Variants in ANK3 observed in about 807,000 individuals in gnomAD.
ANK3 encodes the protein ankyrin-3.
A neutral mutation model predicts 370.9 loss-of-function variants in ANK3; 57 were observed. The observed-to-expected ratio is 0.15, with a 90% CI of 0.12 to 0.19. The LOEUF is 0.19. ANK3 is among the 10% of genes least tolerant of loss of function. ANK3 has a pLI of 1.00. For synonymous variants in ANK3, 1,929 were observed against 1,946.3 expected (o/e 0.99, Z 0.23); for missense variants, 4,439 against 5,302.1 (o/e 0.84, Z 5.06).
chr10:60,615,931 A>C (rs978077163), intron 1 of ANK3, among the ~76,000 whole-genome samples: 4 of 152,178 alleles, frequency 2.6e-5, no homozygotes, highest in Non-Finnish European at 5.9e-5. Context: ...TTCCTATCAG[A>C]ATATAGTAAT....
intron 2 of ANK3, among the ~76,000 whole-genome samples, chr10:60,460,737 T>C (rs946608313): frequency 2.6e-5 from 4 of 152,178 alleles, no homozygotes; most frequent in Non-Finnish European, 4.4e-5. Flanking sequence ...GAATTCATTT[T>C]ATTCTCATAT....
At chr10:60,232,286 C>T (rs1403922745) in intron 8 of ANK3, among the ~76,000 whole-genome samples, 1 of 152,182 alleles carries the variant, frequency 6.6e-6, no homozygotes, top group African/African-American at 2.4e-5. Context: ...TATATCCGGG[C>T]ACCTCTTCAA....
upstream of ANK3, among the ~76,000 whole-genome samples, chr10:60,393,418 T>C (rs758472193): frequency 3.3e-5 from 5 of 152,204 alleles, no homozygotes; most frequent in Non-Finnish European, 5.9e-5. Flanking sequence ...ACAAGTTTCA[T>C]GTAGAGTGCT....
At chr10:60,080,662 T>C (rs915006490) in intron 35 of ANK3, 44 bp from the exon 36 acceptor site, 2 of 1,407,598 alleles carry the variant, frequency 1.4e-6, no homozygotes, top group Non-Finnish European at 1.9e-6. Flanking sequence ...CCAACTTCCC[T>C]GTGACATCTT....
intron 2 of ANK3, among the ~76,000 whole-genome samples, chr10:60,541,177 C>T (rs1192381423): frequency 2.0e-5 from 3 of 151,880 alleles, no homozygotes; most frequent in Non-Finnish European, 1.5e-5. Flanking sequence ...AGCACGTATG[C>T]GTGCACATTT....
At chr10:60,670,461 C>T (rs1296807882) in intron 1 of ANK3, among the ~76,000 whole-genome samples, 3 of 152,140 alleles carry the variant, frequency 2.0e-5, no homozygotes, top group Non-Finnish European at 4.4e-5. Flanking sequence ...CAGATCCACT[C>T]GGTTCCAAAC....
rs745921900 is a variant in ANK3 at position 60,076,353 on chromosome 10, G to A, written c.4528C>T (p.Pro1510Ser). 1.1e-5 allele frequency: 17 copies of A among 1,614,068 alleles called. No individual in the cohort carries two copies. In the East Asian group the frequency reaches 3.8e-4, roughly 36 times the overall value. ...TTGGCTGGCCCAGGCACTGTAATCG[G>A]AGCTGTTGTCCAGGACTGGTATGGT... ...TRPYQSWTTA[P>S]ITVPGPAKSG... The change falls in exon 37 of 44, where the codon CCG becomes TCG. Residue 1510 changes from proline to serine, a missense_variant. Transcript: ENST00000280772.
intron 5 of ANK3, among the ~76,000 whole-genome samples, chr10:60,264,863 G>A (rs995189456): frequency 6.6e-6 from 1 of 152,178 alleles, no homozygotes; most frequent in Admixed American, 6.5e-5. Flanking sequence ...AGAGGCTAAG[G>A]TCTCTAGAGC....
At chr10:60,491,686 C>T (rs1330327477) in intron 2 of ANK3, among the ~76,000 whole-genome samples, 3 of 152,058 alleles carry the variant, frequency 2.0e-5, no homozygotes, top group Non-Finnish European at 4.4e-5. Context: ...AGGTAAAATG[C>T]TTCCCAAGAA....
chr10:60,556,839 C>T lies in ANK3; in HGVS notation c.96+58347G>A, dbSNP rs941280692. Among the ~76,000 whole-genome samples the T allele has an allele frequency of 3.3e-5, 5 of 152,270 alleles. No homozygotes were observed. The East Asian group carries it at 7.7e-4, about 23-fold the overall frequency. ...GTGGCCTGTTAGGAACTGGGTCACA[C>T]AGCAGGAGTGAGTGGTGGGTAGTGA... On this transcript the variant is annotated intron_variant, in intron 2 of 43. Transcript: ENST00000373827.
intron 21 of ANK3, among the ~76,000 whole-genome samples, chr10:60,167,504 G>A: frequency 6.6e-6 from 1 of 151,706 alleles, no homozygotes; most frequent in Admixed American, 6.6e-5. Context: ...AATGCCTACT[G>A]CCTCTTTTAC....
At position 60,071,595 on chromosome 10, in the gene ANK3, C is replaced by T. The variant is rs545596119; in HGVS notation, c.9286G>A (p.Val3096Ile). Residue 3096 changes from valine to isoleucine, a missense_variant, in exon 37 of 44, where the codon GTC becomes ATC. Val to Ile is a conservative substitution (Grantham distance 29, BLOSUM62 3). Coordinates refer to ENST00000280772, the MANE Select transcript of ANK3 (RefSeq NM_020987.5). ...TGCTTCCCCACTTGTACAAAACTGACATAAACGGGTAAAGTTTTTATCTCT... is the reference window on the plus strand; with the variant it reads ...TGCTTCCCCACTTGTACAAAACTGATATAAACGGGTAAAGTTTTTATCTCT... ...GKEIKTLPVY[V>I]SFVQVGKQYE... is the part of the protein sequence containing the mutation. The T allele has an allele frequency of 9.3e-6, 15 of 1,613,984 alleles. No homozygotes were observed. The African/African-American group carries it at 1.7e-4, about 19-fold the overall frequency.
chr10:60,524,121 C>T (rs1334049239), intron 2 of ANK3, among the ~76,000 whole-genome samples: 4 of 152,060 alleles, frequency 2.6e-5, no homozygotes, highest in Non-Finnish European at 4.4e-5. Flanking sequence ...CCACTAATGT[C>T]CTGTCCTATA....
chr10:60,188,561 G>A (rs899986997), intron 16 of ANK3, among the ~76,000 whole-genome samples: 24 of 152,108 alleles, frequency 1.6e-4, no homozygotes, highest in Non-Finnish European at 1.2e-4. Context: ...ACAACACAGA[G>A]GGTTTTGAGG....
intron 26 of ANK3, among the ~76,000 whole-genome samples, chr10:60,113,931 C>T (rs2092901856): frequency 6.6e-6 from 1 of 151,812 alleles, no homozygotes; most frequent in South Asian, 2.1e-4. Context: ...AGGAAATTTT[C>T]TGAAAAGGAA....
At chr10:60,425,052 CTATGTTCA>C (rs1363337544) in intron 2 of ANK3, among the ~76,000 whole-genome samples, 4 of 151,984 alleles carry the variant, frequency 2.6e-5, no homozygotes, top group African/African-American at 9.7e-5. Context: ...AAAGGTGACA[CTATGTTCA>C]TAGGGTGCTT....
rs1336354610 is a variant in ANK3, at chr10:60,055,535, C to A, written c.13065+123G>T. ...ACCTCCACCATTAGTGCTACAATTT[C>A]ACACATTTATAATTTAGAAATCGTA... On this transcript the variant is annotated intron_variant, in intron 42 of 43. Coordinates refer to ENST00000280772, the MANE Select transcript of ANK3 (RefSeq NM_020987.5). The A allele has an allele frequency of 4.7e-6, 6 of 1,289,078 alleles. No homozygotes were observed. The Admixed American group carries it at 1.2e-4, about 25-fold the overall frequency. 79.9% of individuals were successfully genotyped at this position (1,289,078 alleles called of 1,614,324 possible).
intron 2 of ANK3, among the ~76,000 whole-genome samples, chr10:60,444,470 T>C (rs1041519361): frequency 5.3e-5 from 8 of 150,608 alleles, no homozygotes; most frequent in Non-Finnish European, 1.2e-4. Context: ...ATATAAAGAC[T>C]AATGAAAGGA....
At chr10:60,435,199 G>A (rs1287693408) in intron 2 of ANK3, among the ~76,000 whole-genome samples, 1 of 151,984 alleles carries the variant, frequency 6.6e-6, no homozygotes, top group African/African-American at 2.4e-5. Flanking sequence ...GGTTGAATCT[G>A]TTTTCCTTTG....
Sources: allele counts gnomAD v4.1 joint callset (sites outside exome capture counted in the v4.1 genomes callset), GRCh38; gene constraint gnomAD v4.1.1; transcripts MANE v1.5; gene names NCBI Gene and HGNC (gene_info 2026-07-23, HGNC 2026-07-21).